Variants in SLC5A1 observed in about 807,000 individuals in gnomAD.
The protein encoded by SLC5A1 is sodium/glucose cotransporter 1.
In SLC5A1, 42 loss-of-function variants were observed where a neutral mutation model predicts 73.5. The observed-to-expected ratio is 0.57, with a 90% confidence interval of 0.45 to 0.74. SLC5A1 has a LOEUF of 0.74. Ranked by LOEUF, SLC5A1 falls within the 30% of genes least tolerant of loss-of-function variation. The pLI, the probability that SLC5A1 is intolerant of heterozygous loss-of-function variation, is 0.00. For missense variants in SLC5A1, 634 were observed against 855.4 expected (o/e 0.74, Z 3.23); for synonymous variants, 300 against 317.4 (o/e 0.95, Z 0.58).
At chr22:32,104,498 C>T (rs77843215) in intron 13 of SLC5A1, among the ~76,000 whole-genome samples, 6,571 of 152,322 alleles carry the variant, frequency 0.043, 214 homozygotes, top group African/African-American at 0.085. Flanking sequence ...ATTTATCACA[C>T]ACACACGTAA....
intron 5 of SLC5A1, among the ~76,000 whole-genome samples, chr22:32,075,011 C>T (rs1569307369): frequency 6.6e-6 from 1 of 151,856 alleles, no homozygotes; most frequent in Non-Finnish European, 1.5e-5. Context: ...ATCATCCTGC[C>T]TCAGCCTCCT....
At chr22:32,104,607 C>T (rs1424256043) in intron 13 of SLC5A1, among the ~76,000 whole-genome samples, 179 bp from the exon 14 acceptor site, 3 of 152,166 alleles carry the variant, frequency 2.0e-5, no homozygotes, top group Non-Finnish European at 4.4e-5. Flanking sequence ...TTACTTTTAT[C>T]TAAGTTACCA....
intron 2 of SLC5A1, among the ~76,000 whole-genome samples, chr22:32,062,304 G>A (rs1037748579): frequency 3.3e-5 from 5 of 152,122 alleles, no homozygotes; most frequent in African/African-American, 7.2e-5. Context: ...TAATTTTTCC[G>A]TACATCTCCC....
intron 12 of SLC5A1, among the ~76,000 whole-genome samples, chr22:32,101,105 C>T (rs1386121994): frequency 2.0e-5 from 3 of 152,194 alleles, no homozygotes; most frequent in Admixed American, 6.5e-5. Flanking sequence ...AAACACATGC[C>T]ATGCCATGTG....
In SLC5A1 at chr22:32,104,882, A is replaced by G. The variant is rs757626643; in HGVS notation, c.1762A>G (p.Ile588Val). 3 of 1,610,872 alleles carry G rather than the reference A, an allele frequency of 1.9e-6. No individual in the cohort carries two copies. The South Asian group carries it at 3.3e-5, about 18-fold the overall frequency. The change falls in exon 14 of 15, where the codon ATT becomes GTT. Residue 588 changes from isoleucine to valine, a missense_variant. This residue lies in a region of SLC5A1 where 161 missense variants were observed against 178.7 expected (regional missense o/e 0.90). Transcript: ENST00000266088. ...ENIQEGPKET[I>V]EIETQVPEKK... ...CATCCAAGAAGGCCCTAAGGAGACC[A>G]TTGAAATAGGTGACTTATGACCCAG...
At chr22:32,085,940 G>C (rs2149492730) in intron 9 of SLC5A1, among the ~76,000 whole-genome samples, 1 of 152,280 alleles carries the variant, frequency 6.6e-6, no homozygotes, top group African/African-American at 2.4e-5. Flanking sequence ...AGGAGATCGA[G>C]ACCATCCTGG....
At chr22:32,079,437 T>G (rs1035052377) in intron 5 of SLC5A1, among the ~76,000 whole-genome samples, 1 of 152,228 alleles carries the variant, frequency 6.6e-6, no homozygotes, top group Non-Finnish European at 1.5e-5. Context: ...AGACTTTTAT[T>G]AGCCCAACAC....
chr22:32,043,956 C>T lies in SLC5A1; in HGVS notation c.135+540C>T, dbSNP rs2093933710. Among the ~76,000 whole-genome samples, 2 of 152,112 alleles carry T rather than the reference C, an allele frequency of 1.3e-5. No homozygotes were observed. The highest frequency in any genetic ancestry group is 2.4e-5 in the African/African-American group (1 of 41,430). On this transcript the variant is annotated intron_variant, in intron 1 of 14. Coordinates refer to ENST00000266088, the MANE Select transcript of SLC5A1 (RefSeq NM_000343.4). The surrounding 1 kb of genome is among the most constrained non-coding windows in gnomAD (Gnocchi z 6.5). ...ACCCAGAGGCCTTGTGCATGAGGAT[C>T]CCAGGGGCTGGATCAAGTTAGAGAT...
chr22:32,078,993 T>C, intron 5 of SLC5A1, among the ~76,000 whole-genome samples: 1 of 144,896 alleles, frequency 6.9e-6, no homozygotes, highest in Non-Finnish European at 1.5e-5. Context: ...AAGACCTTGC[T>C]CTCTGTAGAA....
At position 32,084,500 on chromosome 22, in the gene SLC5A1, C is replaced by T. The variant is rs1185656664; in HGVS notation, c.726C>T (p.Thr242=). 1 of 1,614,260 alleles carries T rather than the reference C, an allele frequency of 6.2e-7. No homozygotes were observed. Among genetic ancestry groups the T allele is most frequent in the South Asian group, 1.1e-5 (1 of 91,086 alleles). The change falls in exon 8 of 15, where the codon ACC becomes ACT. Residue 242 remains threonine, a synonymous_variant. Transcript: ENST00000266088. ...FMEKYMKAIP[T]IVSDGNTTFQ... is the part of the protein sequence containing the mutation. The stretch of plus-strand genomic sequence containing the variant: ...AAAAGTACATGAAAGCCATTCCAAC[C>T]ATAGTGTCTGATGGCAACACCACCT...
intron 10 of SLC5A1, among the ~76,000 whole-genome samples, chr22:32,087,847 G>A (rs1603132012): frequency 1.3e-5 from 2 of 152,072 alleles, no homozygotes; most frequent in East Asian, 3.8e-4. Context: ...TTTACAGTTG[G>A]GGAAACGGAA....
At position 32,043,442 on chromosome 22, in the gene SLC5A1, G is replaced by C. The variant is rs2093932907; in HGVS notation, c.135+26G>C. On this transcript the variant is annotated intron_variant, in intron 1 of 14. Coordinates refer to ENST00000266088, the MANE Select transcript of SLC5A1 (RefSeq NM_000343.4). The surrounding 1 kb of genome is among the most constrained non-coding windows in gnomAD (Gnocchi z 6.5). ...GTATGCAGCGGGTTCTGGGATGCGG[G>C]TGGGGAGGGTGCGCACAGAGGAGGA... The C allele has an allele frequency of 6.2e-7, 1 of 1,612,592 alleles. No individual in the cohort carries two copies. Among genetic ancestry groups the C allele is most frequent in the Non-Finnish European group, 8.5e-7 (1 of 1,179,318 alleles).
At chr22:32,093,798 T>C (rs1468653459) in intron 11 of SLC5A1, among the ~76,000 whole-genome samples, 1 of 152,206 alleles carries the variant, frequency 6.6e-6, no homozygotes, top group Non-Finnish European at 1.5e-5. Flanking sequence ...CAGTGACAGT[T>C]TGACTTCCCC....
intron 14 of SLC5A1, 28 bp from the exon 15 acceptor site, chr22:32,109,962 C>G (rs1268471428): frequency 1.3e-6 from 2 of 1,590,408 alleles, no homozygotes; most frequent in East Asian, 4.5e-5. Flanking sequence ...GCTTCTGTGT[C>G]CAATAATTCT....
intron 1 of SLC5A1, among the ~76,000 whole-genome samples, chr22:32,046,369 CTTTT>C (rs130263): frequency 6.9e-6 from 1 of 145,376 alleles, no homozygotes; most frequent in African/African-American, 2.5e-5. Context: ...TTCCTTTGCT[CTTTT>C]TTTTTTTTTT....
chr22:32,048,017 T>C (rs1445258367), intron 1 of SLC5A1, among the ~76,000 whole-genome samples: 1 of 151,582 alleles, frequency 6.6e-6, no homozygotes, highest in Non-Finnish European at 1.5e-5. Flanking sequence ...CCAGGCGTGG[T>C]GGTGTGTGCC....
intron 3 of SLC5A1, 40 bp downstream of exon 3, chr22:32,067,079 G>A (rs200510283): frequency 3.6e-5 from 53 of 1,471,986 alleles, no homozygotes; most frequent in Non-Finnish European, 4.5e-5. Context: ...GGGCTGGAAG[G>A]AGCCTTAGCA....
intron 10 of SLC5A1, among the ~76,000 whole-genome samples, chr22:32,089,157 C>T (rs2094012919): frequency 6.6e-6 from 1 of 152,218 alleles, no homozygotes; most frequent in Non-Finnish European, 1.5e-5. Context: ...GCTGAAAGCC[C>T]TTCCTACTAA....
At chr22:32,069,064 T>G (rs530374467) in intron 5 of SLC5A1, among the ~76,000 whole-genome samples, 2 of 152,318 alleles carry the variant, frequency 1.3e-5, no homozygotes, top group South Asian at 4.1e-4. Context: ...ATATACATAA[T>G]GGAATACCAC....
Sources: allele counts gnomAD v4.1 joint callset (sites outside exome capture counted in the v4.1 genomes callset), GRCh38; gene constraint gnomAD v4.1.1; regional missense constraint gnomAD v4.1.1; non-coding constraint Gnocchi (gnomAD v3.1); transcripts MANE v1.5; gene names NCBI Gene and HGNC (gene_info 2026-07-23, HGNC 2026-07-21).